Variants in PIK3C3 observed in about 807,000 individuals in gnomAD.
PIK3C3 encodes phosphatidylinositol 3-kinase catalytic subunit type 3.
Under a neutral mutation model 126.1 loss-of-function variants are expected in PIK3C3, and 95 were observed. The ratio of observed to expected loss-of-function variants is 0.75; its 90% CI spans 0.64 to 0.89. PIK3C3 has a LOEUF of 0.89. Ranked by LOEUF, PIK3C3 falls within the 40% of genes least tolerant of loss-of-function variation. PIK3C3 has a pLI of 0.00. For missense variants in PIK3C3, 829 were observed against 1,063.2 expected (o/e 0.78, Z 3.06); for synonymous variants, 374 against 360.0 (o/e 1.04, Z -0.44).
chr18:42,058,844 A>C (rs1025498345), intron 22 of PIK3C3, among the ~76,000 whole-genome samples: 1 of 152,220 alleles, frequency 6.6e-6, no homozygotes, highest in African/African-American at 2.4e-5. Context: ...TTTCAGCCCA[A>C]CTATGCAAAA....
intron 2 of PIK3C3, among the ~76,000 whole-genome samples, chr18:41,960,617 C>T (rs1320243407): frequency 6.6e-6 from 1 of 151,950 alleles, no homozygotes; most frequent in African/African-American, 2.4e-5. Flanking sequence ...AGGGATGATT[C>T]GTGAAGAGGA....
chr18:42,049,555 T>A lies in PIK3C3; in HGVS notation c.2213T>A (p.Ile738Lys), dbSNP rs1027596311. 6.2e-7 allele frequency: 1 copy of A among 1,613,950 alleles called. No homozygotes were observed. The highest frequency in any genetic ancestry group is 8.5e-7 in the Non-Finnish European group (1 of 1,179,786). Residue 738 changes from isoleucine to lysine, a missense_variant, in exon 21 of 25, where the codon ATA (isoleucine) becomes AAA (lysine). Transcript: ENST00000262039. ...SCAGYCVITY[I>K]LGVGDRHLDN... ...GCTGGATATTGCGTGATCACCTATA[T>A]ACTTGGAGTTGGAGACAGGCACCTG...
chr18:41,970,235 G>T, intron 3 of PIK3C3, 92 bp from the exon 4 acceptor site: 2 of 1,059,276 alleles, frequency 1.9e-6, no homozygotes, highest in East Asian at 2.4e-5. Flanking sequence ...ACATTTCCAT[G>T]TATAGAATTC....
In PIK3C3 at chr18:42,076,181, C is replaced by CAT. The variant is rs1290461602; in HGVS notation, c.2650-4933_2650-4932dup. On this transcript the variant is annotated intron_variant, in intron 24 of 24. Coordinates refer to ENST00000262039, the MANE Select transcript of PIK3C3 (RefSeq NM_002647.4). The stretch of plus-strand genomic sequence containing the variant: ...ATATATGCACATATATATATATGCA[C>CAT]ATATATATATGCACACATATATATA... Among the ~76,000 whole-genome samples the CAT allele has an allele frequency of 3.8e-3, 368 of 97,816 alleles. 4 individuals carry two copies. Among genetic ancestry groups the CAT allele is most frequent in the African/African-American group, 0.01 (199 of 19,360 alleles). The allele number at this position is 97,816 out of a possible 152,430, so 64.2% of individuals were successfully genotyped here.
In PIK3C3 at chr18:41,971,393, G is replaced by A. The variant is rs573414855; in HGVS notation, c.531+937G>A. On this transcript the variant is annotated intron_variant, in intron 4 of 24. Coordinates refer to ENST00000262039, the MANE Select transcript of PIK3C3 (RefSeq NM_002647.4). The stretch of plus-strand genomic sequence containing the variant: ...TGGCTAGGCTTCATGCTTCAACACA[G>A]AATTTTTGTCAAGTTCATTTTGTCT... 3.9e-5 allele frequency: 6 copies of A among 152,190 alleles called. No individual in the cohort carries two copies. In the South Asian group the frequency reaches 1.2e-3, roughly 32 times the overall value. 9.4% of individuals were successfully genotyped at this position (152,190 alleles called of 1,614,324 possible). A position where few individuals can be genotyped will look rare whatever the true frequency, so the allele number is the denominator to read the frequency against.
intron 23 of PIK3C3, among the ~76,000 whole-genome samples, chr18:42,066,777 T>G (rs996893463): frequency 1.3e-5 from 2 of 152,144 alleles, no homozygotes; most frequent in African/African-American, 4.8e-5. Flanking sequence ...AAGTGTAGCT[T>G]TAAATAAGAC....
Position 42,058,051 on chromosome 18 carries a change from G to C in PIK3C3, c.2432G>C (p.Arg811Thr), listed in dbSNP as rs779506033. Residue 811 changes from arginine to threonine, a missense_variant and splice_region_variant, in exon 22 of 25, where the codon AGG becomes ACG. Arg to Thr is a moderately conservative substitution (Grantham distance 71). This residue lies in a region of PIK3C3 where 196 missense variants were observed against 312.8 expected (regional missense o/e 0.63). Coordinates refer to ENST00000262039, the MANE Select transcript of PIK3C3 (RefSeq NM_002647.4). ...TACACGGCTTTCCTCCACCTGCGAA[G>C]GTAAGTTGATTTGCTTGGCACAGAG... ...QCYTAFLHLR[R>T]YSNLILNLFS... The C allele has an allele frequency of 6.4e-7, 1 of 1,571,000 alleles. No individual in the cohort carries two copies. The highest frequency in any genetic ancestry group is 8.6e-7 in the Non-Finnish European group (1 of 1,161,698).
intron 9 of PIK3C3, 83 bp from the exon 10 acceptor site, chr18:42,004,273 G>A: frequency 1.0e-6 from 1 of 996,876 alleles, no homozygotes; most frequent in Non-Finnish European, 1.5e-6. Context: ...TCTGTCATTA[G>A]GACCTAGTGG....
chr18:42,009,990 A>ACACC (rs1982744052), intron 10 of PIK3C3, among the ~76,000 whole-genome samples: 1 of 152,154 alleles, frequency 6.6e-6, no homozygotes, highest in Non-Finnish European at 1.5e-5. Context: ...AAACTTTGCC[A>ACACC]CACCCATTGA....
chr18:42,076,519 T>C (rs1309573929), intron 24 of PIK3C3, among the ~76,000 whole-genome samples: 3 of 152,112 alleles, frequency 2.0e-5, no homozygotes, highest in South Asian at 2.1e-4. Flanking sequence ...AAACTAGTCT[T>C]GAATTTCATT....
intron 21 of PIK3C3, among the ~76,000 whole-genome samples, chr18:42,055,667 T>C (rs1336741325): frequency 6.6e-6 from 1 of 151,988 alleles, no homozygotes; most frequent in African/African-American, 2.4e-5. Flanking sequence ...TTATATGGAA[T>C]CTTTAAATAA....
At chr18:42,052,424 T>G (rs895392784) in intron 21 of PIK3C3, among the ~76,000 whole-genome samples, 34 of 152,170 alleles carry the variant, frequency 2.2e-4, no homozygotes, top group African/African-American at 7.2e-4. Flanking sequence ...AGCAGTTCAT[T>G]TTTTCTTAAC....
intron 21 of PIK3C3, among the ~76,000 whole-genome samples, chr18:42,053,520 C>CT (rs1252218808): frequency 6.6e-6 from 1 of 152,068 alleles, no homozygotes. Context: ...CTATTGAATT[C>CT]TTTTTTCATT....
chr18:41,959,500 T>C (rs1004627077), intron 2 of PIK3C3, among the ~76,000 whole-genome samples: 7 of 152,278 alleles, frequency 4.6e-5, no homozygotes, highest in African/African-American at 1.7e-4. Context: ...ATGTAGACAA[T>C]AGATTTAGAA....
intron 22 of PIK3C3, 87 bp from the exon 23 acceptor site, chr18:42,064,653 A>T: frequency 1.5e-6 from 1 of 672,110 alleles, no homozygotes; most frequent in South Asian, 1.7e-5. Flanking sequence ...AAATCCAAGT[A>T]CCACTACTTC....
intron 22 of PIK3C3, among the ~76,000 whole-genome samples, chr18:42,060,758 T>C (rs1333195035): frequency 6.6e-6 from 1 of 151,752 alleles, no homozygotes; most frequent in African/African-American, 2.4e-5. Context: ...ACCTAGACAA[T>C]AGAGCAAGAC....
rs1443543503 is a variant in PIK3C3, at chr18:42,064,311, C to T, written c.2433-429C>T. On this transcript the variant is annotated intron_variant, in intron 22 of 24. Coordinates refer to ENST00000262039, the MANE Select transcript of PIK3C3 (RefSeq NM_002647.4). ...GTGATTCATGGGATGATTTTATTTC[C>T]CTTTCATTCATTTAGCCATGACACA... 5.5e-4 allele frequency among the ~76,000 whole-genome samples: 83 copies of T among 152,066 alleles called. 1 individual carries two copies. Among genetic ancestry groups the T allele is most frequent in the Admixed American group, 5.4e-3 (82 of 15,266 alleles).
chr18:42,005,685 T>C (rs1439023194), intron 10 of PIK3C3, among the ~76,000 whole-genome samples: 2 of 152,202 alleles, frequency 1.3e-5, no homozygotes, highest in Admixed American at 1.3e-4. Flanking sequence ...ATCAAATACC[T>C]TTTTAAGAGG....
At chr18:42,058,363 T>C (rs1985166849) in intron 22 of PIK3C3, among the ~76,000 whole-genome samples, 1 of 152,216 alleles carries the variant, frequency 6.6e-6, no homozygotes, top group Non-Finnish European at 1.5e-5. Flanking sequence ...TTTAATAAAG[T>C]ATACTTTGAC....
Sources: gnomAD v4.1 joint callset for allele counts (sites outside exome capture counted in the v4.1 genomes callset) on GRCh38, gnomAD v4.1.1 for gene constraint, gnomAD v4.1.1 regional missense constraint, MANE v1.5 for transcripts, NCBI Gene and HGNC (gene_info 2026-07-23, HGNC 2026-07-21) for gene names.